PCSK2: variants seen among roughly 807,000 people sequenced by gnomAD.
PCSK2 encodes the protein proprotein convertase subtilisin/kexin type 2.
In PCSK2, 14 loss-of-function variants were observed where a neutral mutation model predicts 69.7. The ratio of observed to expected loss-of-function variants is 0.20; its 90% CI spans 0.13 to 0.31. The LOEUF (loss-of-function observed/expected upper bound fraction) is 0.31. Ranked by LOEUF, PCSK2 falls within the 10% of genes least tolerant of loss-of-function variation. PCSK2 has a pLI of 1.00. For missense variants in PCSK2, 544 were observed against 842.5 expected (o/e 0.65, Z 4.39); for synonymous variants, 307 against 320.7 (o/e 0.96, Z 0.46).
intron 4 of PCSK2, among the ~76,000 whole-genome samples, chr20:17,364,796 C>T (rs1173890137): frequency 6.6e-6 from 1 of 152,188 alleles, no homozygotes; most frequent in East Asian, 1.9e-4. Context: ...CAGTGTTGCT[C>T]ATGCAGTTAT....
At chr20:17,335,549 G>A (rs971017868) in intron 2 of PCSK2, among the ~76,000 whole-genome samples, 1 of 151,612 alleles carries the variant, frequency 6.6e-6, no homozygotes, top group African/African-American at 2.4e-5. Flanking sequence ...TTGTTTACAT[G>A]AAGAAGTTCT....
chr20:17,293,183 A>G (rs2123069882), intron 2 of PCSK2, among the ~76,000 whole-genome samples: 1 of 152,322 alleles, frequency 6.6e-6, no homozygotes. Context: ...AAGTTTTTAC[A>G]TGTTGATTTT....
At chr20:17,381,859 C>T (rs1044345238) in intron 5 of PCSK2, among the ~76,000 whole-genome samples, 3 of 152,092 alleles carry the variant, frequency 2.0e-5, no homozygotes, top group Admixed American at 6.6e-5. Context: ...GGAGCCAGTC[C>T]CTGTGTAGAG....
intron 4 of PCSK2, 116 bp from the exon 5 acceptor site, chr20:17,369,124 A>C (rs1158831252): frequency 1.2e-6 from 1 of 827,158 alleles, no homozygotes; most frequent in African/African-American, 1.7e-5. Flanking sequence ...ACTCACCCCC[A>C]TGGCAAGCCT....
chr20:17,354,083 C>T (rs1255937235), intron 2 of PCSK2, among the ~76,000 whole-genome samples: 2 of 152,134 alleles, frequency 1.3e-5, no homozygotes, highest in Non-Finnish European at 2.9e-5. Context: ...ATCATTCATA[C>T]CCTAAACTTG....
intron 2 of PCSK2, among the ~76,000 whole-genome samples, chr20:17,311,555 C>T (rs1989511467): frequency 6.6e-6 from 1 of 152,052 alleles, no homozygotes; most frequent in African/African-American, 2.4e-5. Context: ...TCTGGGAGAA[C>T]ATGAAGAAGT....
chr20:17,348,086 A>T (rs867176581), intron 2 of PCSK2, among the ~76,000 whole-genome samples: 34 of 141,644 alleles, frequency 2.4e-4, no homozygotes, highest in East Asian at 9.9e-4. Context: ...AAAGAAAGAA[A>T]GAAAGAAAGA....
chr20:17,403,035 G>T (rs557510509), intron 5 of PCSK2, among the ~76,000 whole-genome samples: 1 of 152,160 alleles, frequency 6.6e-6, no homozygotes, highest in Non-Finnish European at 1.5e-5. Flanking sequence ...TGGCCTGACC[G>T]TTCAGTTGTA....
intron 5 of PCSK2, among the ~76,000 whole-genome samples, chr20:17,376,457 C>A (rs983991822): frequency 2.0e-5 from 3 of 152,202 alleles, no homozygotes; most frequent in African/African-American, 7.2e-5. Flanking sequence ...GAGGTGTACC[C>A]CAGTCTGGAG....
chr20:17,442,394 C>CGG (rs2032616268), intron 8 of PCSK2, among the ~76,000 whole-genome samples: 1 of 151,968 alleles, frequency 6.6e-6, no homozygotes, highest in Non-Finnish European at 1.5e-5. Flanking sequence ...TGTGGTCCTT[C>CGG]TGTAGCAGCC....
At chr20:17,431,761 A>C (rs1309126157) in intron 7 of PCSK2, among the ~76,000 whole-genome samples, 2 of 152,236 alleles carry the variant, frequency 1.3e-5, no homozygotes, top group East Asian at 1.9e-4. Flanking sequence ...GGAATTACTC[A>C]TGGATTACAA....
At chr20:17,456,323 C>T in intron 9 of PCSK2, 25 bp from the exon 10 acceptor site, 1 of 1,310,856 alleles carries the variant, frequency 7.6e-7, no homozygotes, top group Non-Finnish European at 1.1e-6. Context: ...TTTATCCACT[C>T]ATTACTCATT....
At chr20:17,237,818 C>T (rs760429359) in intron 1 of PCSK2, among the ~76,000 whole-genome samples, 1 of 152,150 alleles carries the variant, frequency 6.6e-6, no homozygotes, top group Non-Finnish European at 1.5e-5. Context: ...CTGTGGGTAA[C>T]TGGAACTCAA....
chr20:17,307,692 C>G (rs1989369637), intron 2 of PCSK2, among the ~76,000 whole-genome samples: 2 of 152,108 alleles, frequency 1.3e-5, no homozygotes, highest in Non-Finnish European at 2.9e-5. Context: ...ACAACATACT[C>G]CCTGATTTCA....
intron 2 of PCSK2, among the ~76,000 whole-genome samples, chr20:17,315,082 AC>A (rs1422947905): frequency 5.9e-5 from 9 of 152,004 alleles, no homozygotes; most frequent in African/African-American, 2.2e-4. Context: ...CCCCGAGAAA[AC>A]CCTGCGGCTT....
chr20:17,278,119 A>G (rs1988162580), intron 2 of PCSK2, among the ~76,000 whole-genome samples: 1 of 152,190 alleles, frequency 6.6e-6, no homozygotes, highest in African/African-American at 2.4e-5. Flanking sequence ...TACACAGTTC[A>G]TGGGACTGTA....
chr20:17,472,271 A>C (rs1011590917), intron 11 of PCSK2, among the ~76,000 whole-genome samples: 1 of 152,216 alleles, frequency 6.6e-6, no homozygotes, highest in Non-Finnish European at 1.5e-5. Context: ...TGAATTTGGA[A>C]ATAAATGTTA....
chr20:17,397,883 A>G (rs2031548138), intron 5 of PCSK2, among the ~76,000 whole-genome samples: 1 of 152,172 alleles, frequency 6.6e-6, no homozygotes, highest in Non-Finnish European at 1.5e-5. Context: ...CCATTGTGAC[A>G]ACTCTGTTCT....
At chr20:17,277,011 G>C (rs536850539) in intron 2 of PCSK2, among the ~76,000 whole-genome samples, 8 of 152,042 alleles carry the variant, frequency 5.3e-5, no homozygotes, top group African/African-American at 1.7e-4. Flanking sequence ...CAACTTACAA[G>C]GGATGTGAAG....
Sources: gnomAD v4.1 joint callset for allele counts (sites outside exome capture counted in the v4.1 genomes callset) on GRCh38, gnomAD v4.1.1 for gene constraint, MANE v1.5 for transcripts, NCBI Gene and HGNC (gene_info 2026-07-23, HGNC 2026-07-21) for gene names.